Variants in RIN3 observed in about 807,000 individuals in gnomAD.
RIN3 encodes RAB5 interacting protein 3.
RIN3 carries 54 observed loss-of-function variants against 76.3 expected under a neutral mutation model. The ratio of observed to expected loss-of-function variants is 0.71; its 90% CI spans 0.57 to 0.89. The LOEUF (loss-of-function observed/expected upper bound fraction) is 0.89, where lower values mean the gene tolerates loss of function less well. RIN3 is among the 40% of genes least tolerant of loss of function. The pLI is 0.00. For missense variants in RIN3, 1,256 were observed against 1,322.1 expected (o/e 0.95, Z 0.78); for synonymous variants, 576 against 564.0 (o/e 1.02, Z -0.30).
chr14:92,593,189 A>G (rs1347272366), intron 3 of RIN3, among the ~76,000 whole-genome samples: 2 of 152,214 alleles, frequency 1.3e-5, no homozygotes, highest in African/African-American at 2.4e-5. Context: ...TAAAGGAGAG[A>G]AAATAGAATC....
intron 1 of RIN3, among the ~76,000 whole-genome samples, chr14:92,522,003 T>C (rs1020587714): frequency 2.7e-5 from 3 of 113,084 alleles, no homozygotes; most frequent in African/African-American, 7.8e-5. Context: ...AAAGGACAAG[T>C]TGTGTGTGGG....
intron 1 of RIN3, among the ~76,000 whole-genome samples, chr14:92,528,328 G>A (rs1406586850): frequency 6.6e-6 from 1 of 152,242 alleles, no homozygotes; most frequent in Non-Finnish European, 1.5e-5. Flanking sequence ...ACAGTACGGT[G>A]TGGTGGTCAG....
At chr14:92,547,646 T>A (rs1340721740) in intron 1 of RIN3, among the ~76,000 whole-genome samples, 1 of 152,056 alleles carries the variant, frequency 6.6e-6, no homozygotes, top group Admixed American at 6.6e-5. Context: ...TCCTCCCACC[T>A]TAGCCTCTCA....
intron 1 of RIN3, among the ~76,000 whole-genome samples, chr14:92,516,495 C>G (rs1896446961): frequency 6.6e-6 from 1 of 152,182 alleles, no homozygotes; most frequent in Non-Finnish European, 1.5e-5. Flanking sequence ...ATTCAAGGAG[C>G]TAATGTTCCC....
chr14:92,588,762 C>T (rs1200262762), intron 3 of RIN3, among the ~76,000 whole-genome samples: 3 of 152,198 alleles, frequency 2.0e-5, no homozygotes, highest in Admixed American at 2.0e-4. Context: ...CTCCCTCTCC[C>T]ACCCTCCCTG....
At chr14:92,562,312 T>C (rs779030175) in intron 2 of RIN3, among the ~76,000 whole-genome samples, 7 of 151,920 alleles carry the variant, frequency 4.6e-5, no homozygotes, top group Non-Finnish European at 1.0e-4. Context: ...GGGGTTGTGT[T>C]CTTAGGGTTT....
chr14:92,527,919 C>T (rs1257414735), intron 1 of RIN3, among the ~76,000 whole-genome samples: 1 of 152,056 alleles, frequency 6.6e-6, no homozygotes, highest in Non-Finnish European at 1.5e-5. Flanking sequence ...GGGTGGTTTC[C>T]AGTTTGGGGC....
intron 1 of RIN3, among the ~76,000 whole-genome samples, chr14:92,549,572 T>C (rs1897369305): frequency 6.6e-6 from 1 of 152,226 alleles, no homozygotes; most frequent in African/African-American, 2.4e-5. Context: ...CCAGGCTGAA[T>C]AGGCCTGAAT....
chr14:92,672,963 C>T (rs2140165672), intron 7 of RIN3, among the ~76,000 whole-genome samples: 1 of 152,108 alleles, frequency 6.6e-6, no homozygotes, highest in South Asian at 2.1e-4. Context: ...GCTTCTTTCA[C>T]TTAGCATAAT....
At chr14:92,684,892 C>T (rs1364733979) in intron 8 of RIN3, 95 bp from the exon 9 acceptor site, 18 of 1,313,168 alleles carry the variant, frequency 1.4e-5, no homozygotes, top group Middle Eastern at 2.4e-4. Flanking sequence ...AGGTGGTGGG[C>T]GGGGCTTGGA....
intron 8 of RIN3, 128 bp from the exon 9 acceptor site, chr14:92,684,859 G>C: frequency 1.0e-6 from 1 of 982,874 alleles, no homozygotes; most frequent in Non-Finnish European, 1.6e-6. Context: ...TGAAGCAGGT[G>C]TTTGCAGATG....
intron 1 of RIN3, among the ~76,000 whole-genome samples, chr14:92,535,669 C>CT (rs59009829): frequency 0.023 from 2,160 of 94,014 alleles, 64 homozygotes; most frequent in Non-Finnish European, 0.033. Flanking sequence ...CTGGAACAGA[C>CT]TTTTTTTTTT....
chr14:92,568,245 A>T lies in RIN3; in HGVS notation c.250-9115A>T, dbSNP rs1198685537. 6.6e-6 allele frequency among the ~76,000 whole-genome samples: 1 copy of T among 152,002 alleles called. No individual in the cohort carries two copies. Among genetic ancestry groups the T allele is most frequent in the East Asian group, 1.9e-4 (1 of 5,182 alleles). The stretch of plus-strand genomic sequence containing the variant: ...CCTTCGGCTCCCCATCCCACCATGT[A>T]CTCACTTGTAACAGCCATCATGGGC... On this transcript the variant is annotated intron_variant, in intron 2 of 9. Coordinates refer to ENST00000216487, the MANE Select transcript of RIN3 (RefSeq NM_024832.5). The surrounding 1 kb of genome is among the most constrained non-coding windows in gnomAD (Gnocchi z 4.2).
intron 8 of RIN3, among the ~76,000 whole-genome samples, chr14:92,679,472 G>A (rs570960626): frequency 4.6e-5 from 7 of 152,252 alleles, no homozygotes; most frequent in African/African-American, 1.7e-4. Flanking sequence ...AGCCAGCCTT[G>A]CAGGTGTTTG....
At chr14:92,515,352 G>A in intron 1 of RIN3, 1 of 674,678 alleles carries the variant, frequency 1.5e-6, no homozygotes, top group Admixed American at 2.2e-5. Flanking sequence ...AGGAAGGGGA[G>A]GTGAGGGGCC....
At chr14:92,634,362 G>A (rs1886701224) in intron 4 of RIN3, among the ~76,000 whole-genome samples, 2 of 152,054 alleles carry the variant, frequency 1.3e-5, no homozygotes, top group Non-Finnish European at 2.9e-5. Context: ...TTACAGGCAT[G>A]AGCCACTGCA....
rs569956379 is a variant in RIN3 at position 92,521,123 on chromosome 14, C to T, written c.44+7147C>T. On this transcript the variant is annotated intron_variant, in intron 1 of 9. Transcript: ENST00000216487. ...TCTATTCACCATCCATCCATCTAGC[C>T]ATCTACTTATCCACCCATCCATCCA... is the stretch of plus-strand genomic sequence containing the variant. Among the ~76,000 whole-genome samples, 3 of 152,210 alleles carry T rather than the reference C, an allele frequency of 2.0e-5. No homozygotes were observed. The East Asian group carries it at 5.8e-4, about 29-fold the overall frequency.
chr14:92,658,301 C>T (rs898540659), intron 6 of RIN3, among the ~76,000 whole-genome samples: 3 of 152,180 alleles, frequency 2.0e-5, no homozygotes, highest in East Asian at 3.9e-4. Flanking sequence ...TGGACGACTG[C>T]GAGGCGACTG....
chr14:92,589,218 C>T (rs2140074492), intron 3 of RIN3, among the ~76,000 whole-genome samples: 1 of 152,232 alleles, frequency 6.6e-6, no homozygotes, highest in African/African-American at 2.4e-5. Flanking sequence ...TCATTTCTCT[C>T]CTCTCTTTTG....
Sources: allele counts gnomAD v4.1 joint callset (sites outside exome capture counted in the v4.1 genomes callset), GRCh38; gene constraint gnomAD v4.1.1; non-coding constraint Gnocchi (gnomAD v3.1); transcripts MANE v1.5; gene names NCBI Gene and HGNC (gene_info 2026-07-23, HGNC 2026-07-21).